The following FCHSD2 variants were observed in gnomAD, a reference collection of about 807,000 sequenced individuals.
FCHSD2 encodes FCH and double SH3 domains 2.
A neutral mutation model predicts 108.1 loss-of-function variants in FCHSD2; 38 were observed. The observed-to-expected ratio is 0.35, with a 90% confidence interval of 0.27 to 0.46. The LOEUF (loss-of-function observed/expected upper bound fraction) is 0.46. FCHSD2 is among the 20% of genes least tolerant of loss of function. FCHSD2 has a pLI of 1.00. For synonymous variants in FCHSD2, 279 were observed against 314.7 expected (o/e 0.89, Z 1.20); for missense variants, 751 against 897.8 (o/e 0.84, Z 2.09).
At chr11:72,991,021 A>G (rs911947843) in intron 5 of FCHSD2, among the ~76,000 whole-genome samples, 5 of 152,228 alleles carry the variant, frequency 3.3e-5, no homozygotes, top group Admixed American at 2.0e-4. Flanking sequence ...AAAAAATGAT[A>G]AAGGGGATAT....
chr11:73,104,101 G>A (rs893730622), intron 2 of FCHSD2, among the ~76,000 whole-genome samples: 1 of 152,202 alleles, frequency 6.6e-6, no homozygotes, highest in African/African-American at 2.4e-5. Context: ...TTAAATGCAG[G>A]CTATCATATA....
At chr11:73,113,610 G>A (rs545868115) in intron 2 of FCHSD2, among the ~76,000 whole-genome samples, 5 of 152,122 alleles carry the variant, frequency 3.3e-5, no homozygotes, top group Admixed American at 1.3e-4. Flanking sequence ...GATATTTGTC[G>A]GTGTCCAGGC....
intron 8 of FCHSD2, among the ~76,000 whole-genome samples, chr11:72,961,949 G>C (rs1856825937): frequency 6.6e-6 from 1 of 152,058 alleles, no homozygotes; most frequent in Admixed American, 6.6e-5. Flanking sequence ...AGTTGTATTT[G>C]TTTCATCTCT....
intron 3 of FCHSD2, among the ~76,000 whole-genome samples, chr11:73,016,109 C>T (rs1427080286): frequency 6.6e-6 from 1 of 152,082 alleles, no homozygotes; most frequent in Admixed American, 6.6e-5. Flanking sequence ...TTGAGACCAG[C>T]TTGGCCAACA....
chr11:73,031,325 A>G (rs987273928), intron 3 of FCHSD2, among the ~76,000 whole-genome samples: 6 of 152,016 alleles, frequency 3.9e-5, no homozygotes, highest in African/African-American at 7.3e-5. Flanking sequence ...AAATTATAAA[A>G]ATTAGCCTGG....
intron 8 of FCHSD2, among the ~76,000 whole-genome samples, chr11:72,935,827 T>C (rs2135333587): frequency 6.6e-6 from 1 of 152,324 alleles, no homozygotes; most frequent in Admixed American, 6.5e-5. Flanking sequence ...TAAGGAAGTT[T>C]ATGTCTGTAA....
intron 4 of FCHSD2, among the ~76,000 whole-genome samples, chr11:73,001,393 C>A (rs1177348088): frequency 6.6e-6 from 1 of 152,172 alleles, no homozygotes. Context: ...AATTACAAAG[C>A]TAACACTATA....
intron 5 of FCHSD2, among the ~76,000 whole-genome samples, chr11:72,995,228 C>T (rs1468968332): frequency 6.6e-6 from 1 of 152,004 alleles, no homozygotes; most frequent in Admixed American, 6.6e-5. Context: ...TCTTGCAGAA[C>T]GAAAAGCTGT....
chr11:72,843,194 C>G lies in FCHSD2; in HGVS notation c.1662G>C (p.Thr554=). Residue 554 remains threonine (T), a synonymous_variant, in exon 16 of 20, where the codon ACG becomes ACC. Coordinates refer to ENST00000409418, the MANE Select transcript of FCHSD2 (RefSeq NM_014824.3). ...DSRSHTSSNS[T]EAELVSGSLN... is the part of the protein sequence containing the mutation. Reference sequence around the variant, plus strand: ...GGCTGCCTGAAACGAGTTCTGCTTCCGTGGAATTGCTGGACGTGTGTGACC... The same window carrying G: ...GGCTGCCTGAAACGAGTTCTGCTTCGGTGGAATTGCTGGACGTGTGTGACC... 1 of 1,613,968 alleles carries G rather than the reference C, an allele frequency of 6.2e-7. No individual in the cohort carries two copies. The highest frequency in any genetic ancestry group is 2.2e-5 in the East Asian group (1 of 44,882).
intron 9 of FCHSD2, among the ~76,000 whole-genome samples, chr11:72,915,481 G>C (rs1855854040): frequency 6.6e-6 from 1 of 152,162 alleles, no homozygotes; most frequent in Non-Finnish European, 1.5e-5. Flanking sequence ...CAATAGCAGA[G>C]ACATGGAACA....
intron 3 of FCHSD2, among the ~76,000 whole-genome samples, chr11:73,066,875 A>G (rs1466145003): frequency 1.3e-5 from 2 of 152,180 alleles, no homozygotes; most frequent in Non-Finnish European, 2.9e-5. Context: ...ACGCTCTTAC[A>G]CTGTTGGTGG....
intron 8 of FCHSD2, among the ~76,000 whole-genome samples, chr11:72,966,097 C>T (rs776422343): frequency 2.0e-5 from 3 of 151,612 alleles, no homozygotes; most frequent in Non-Finnish European, 4.4e-5. Context: ...AATATAACTA[C>T]CAGCGTGATG....
At chr11:72,978,059 G>A (rs1857139817) in intron 8 of FCHSD2, among the ~76,000 whole-genome samples, 1 of 152,120 alleles carries the variant, frequency 6.6e-6, no homozygotes, top group Non-Finnish European at 1.5e-5. Context: ...ACTACAGCAA[G>A]GACAGAAAAC....
At chr11:73,013,968 A>G (rs1005365290) in intron 4 of FCHSD2, among the ~76,000 whole-genome samples, 1 of 152,000 alleles carries the variant, frequency 6.6e-6, no homozygotes, top group Non-Finnish European at 1.5e-5. Context: ...TCTTAGGCTG[A>G]TTTCCTTATA....
At chr11:73,123,054 A>G (rs1283564575) in intron 2 of FCHSD2, among the ~76,000 whole-genome samples, 2 of 152,204 alleles carry the variant, frequency 1.3e-5, no homozygotes, top group Admixed American at 6.5e-5. Flanking sequence ...TAAAAGATAC[A>G]TAGGTGAAGG....
chr11:72,881,074 A>C (rs2365909), intron 12 of FCHSD2, among the ~76,000 whole-genome samples: 151,791 of 152,270 alleles, frequency 1, 75,657 homozygotes, highest in Middle Eastern at 1. Flanking sequence ...AAGGAAACAA[A>C]AGAGTTAACA....
At chr11:73,002,338 A>G (rs938057062) in intron 4 of FCHSD2, among the ~76,000 whole-genome samples, 4 of 152,204 alleles carry the variant, frequency 2.6e-5, no homozygotes, top group Admixed American at 6.5e-5. Flanking sequence ...GTGTATCACT[A>G]TTCCTTTGGA....
At chr11:73,107,203 C>T (rs1305605510) in intron 2 of FCHSD2, among the ~76,000 whole-genome samples, 2 of 152,080 alleles carry the variant, frequency 1.3e-5, no homozygotes, top group African/African-American at 4.8e-5. Flanking sequence ...TACAGGCATG[C>T]GCCACCATAC....
chr11:72,990,431 C>T (rs1286658642), intron 5 of FCHSD2, among the ~76,000 whole-genome samples: 2 of 152,172 alleles, frequency 1.3e-5, no homozygotes, highest in Non-Finnish European at 2.9e-5. Context: ...TGCACTTATT[C>T]CAAAACTGAC....
Sources: gnomAD v4.1 joint callset for allele counts (sites outside exome capture counted in the v4.1 genomes callset) on GRCh38, gnomAD v4.1.1 for gene constraint, MANE v1.5 for transcripts, NCBI Gene and HGNC (gene_info 2026-07-23, HGNC 2026-07-21) for gene names.